The following ARL15 variants were observed in gnomAD, a reference collection of about 807,000 sequenced individuals.
The protein encoded by ARL15 is ADP-ribosylation factor-like protein 15.
ARL15 carries 19 observed loss-of-function variants against 25.2 expected under a neutral mutation model. That is an observed-to-expected ratio of 0.75 (90% CI 0.53 to 1.10). The LOEUF (loss-of-function observed/expected upper bound fraction) is 1.10, where lower values mean the gene tolerates loss of function less well. Among genes scored for constraint, ARL15 ranks in the 50% least tolerant of loss-of-function variants. The pLI, the probability that ARL15 is intolerant of heterozygous loss-of-function variation, is 0.00. For synonymous variants in ARL15, 94 were observed against 86.8 expected (o/e 1.08, Z -0.46); for missense variants, 220 against 246.0 (o/e 0.89, Z 0.71).
At chr5:54,284,272 ATT>A (rs1758133547) in intron 1 of ARL15, among the ~76,000 whole-genome samples, 1 of 152,048 alleles carries the variant, frequency 6.6e-6, no homozygotes, top group African/African-American at 2.4e-5. Context: ...CCCAGCAAAT[ATT>A]TTAATTTCTT....
chr5:54,114,930 C>T (rs1752856033), intron 3 of ARL15, among the ~76,000 whole-genome samples: 1 of 152,204 alleles, frequency 6.6e-6, no homozygotes, highest in Admixed American at 6.5e-5. Context: ...CAGTCATCCA[C>T]TGAACATCTA....
At chr5:54,048,312 T>C (rs1473939344) in intron 4 of ARL15, 4 of 151,552 alleles carry the variant, frequency 2.6e-5, no homozygotes, top group Admixed American at 6.6e-5. Context: ...ACTTGGCTTA[T>C]TTGTTTTTAA....
At chr5:54,196,313 C>G (rs1405240345) in intron 1 of ARL15, among the ~76,000 whole-genome samples, 1 of 152,054 alleles carries the variant, frequency 6.6e-6, no homozygotes, top group African/African-American at 2.4e-5. Flanking sequence ...GCAGCTTTTT[C>G]CACTATTTAG....
chr5:53,917,200 A>C (rs911092293), intron 4 of ARL15, among the ~76,000 whole-genome samples: 1 of 152,194 alleles, frequency 6.6e-6, no homozygotes, highest in Non-Finnish European at 1.5e-5. Flanking sequence ...GTAGCAACTT[A>C]TTTGAGAGCT....
intron 3 of ARL15, among the ~76,000 whole-genome samples, chr5:54,153,628 G>A (rs1362774803): frequency 1.3e-5 from 2 of 152,122 alleles, no homozygotes; most frequent in Non-Finnish European, 2.9e-5. Context: ...AGCTAAAAGT[G>A]AATATGAAAT....
At chr5:54,111,431 G>A (rs1752737562) in intron 4 of ARL15, among the ~76,000 whole-genome samples, 3 of 151,978 alleles carry the variant, frequency 2.0e-5, no homozygotes, top group Admixed American at 2.0e-4. Context: ...ATACTCAGAA[G>A]CAATTAATTG....
chr5:54,206,336 G>A (rs1755867760), intron 1 of ARL15, among the ~76,000 whole-genome samples: 1 of 152,136 alleles, frequency 6.6e-6, no homozygotes. Context: ...GATATTTATA[G>A]TGAACAAGGA....
intron 1 of ARL15, among the ~76,000 whole-genome samples, chr5:54,298,424 A>G (rs944805668): frequency 2.0e-5 from 3 of 152,080 alleles, no homozygotes; most frequent in Admixed American, 6.5e-5. Context: ...AGCTTCTTCT[A>G]TCCTCCTCAG....
chr5:54,186,060 C>A (rs1206361990), intron 1 of ARL15, among the ~76,000 whole-genome samples: 2 of 151,592 alleles, frequency 1.3e-5, no homozygotes, highest in Non-Finnish European at 2.9e-5. Flanking sequence ...TGAAGAAAAC[C>A]CCTAAAAACA....
chr5:54,165,381 C>T (rs1196115358), intron 2 of ARL15, among the ~76,000 whole-genome samples: 1 of 151,862 alleles, frequency 6.6e-6, no homozygotes, highest in East Asian at 1.9e-4. Context: ...CTTCTTTTAA[C>T]ATTTCTTATA....
At chr5:54,186,344 A>G (rs1303326002) in intron 1 of ARL15, among the ~76,000 whole-genome samples, 2 of 152,228 alleles carry the variant, frequency 1.3e-5, no homozygotes, top group Admixed American at 1.3e-4. Flanking sequence ...TGGTGATGAG[A>G]GAGGCAGAGA....
chr5:53,905,752 A>G (rs951871862), intron 4 of ARL15, among the ~76,000 whole-genome samples: 5 of 152,228 alleles, frequency 3.3e-5, no homozygotes, highest in Admixed American at 6.5e-5. Context: ...CAAAAATCAT[A>G]TAATTCCAAT....
intron 4 of ARL15, among the ~76,000 whole-genome samples, chr5:54,078,946 A>G (rs1196843049): frequency 6.6e-6 from 1 of 152,170 alleles, no homozygotes; most frequent in Non-Finnish European, 1.5e-5. Flanking sequence ...AATTATTTAA[A>G]TGAATTACTA....
At chr5:53,949,150 A>G (rs550430736) in intron 4 of ARL15, among the ~76,000 whole-genome samples, 34 of 152,300 alleles carry the variant, frequency 2.2e-4, no homozygotes, top group Middle Eastern at 3.4e-3. Flanking sequence ...AAGCCTCAAG[A>G]CTCACAAGAC....
intron 1 of ARL15, among the ~76,000 whole-genome samples, chr5:54,212,246 G>A (rs370608414): frequency 1.3e-5 from 2 of 152,074 alleles, no homozygotes; most frequent in African/African-American, 4.8e-5. Context: ...GTCAATCCCT[G>A]GTTTAAACAA....
chr5:54,264,149 G>C (rs1757564401), intron 1 of ARL15, among the ~76,000 whole-genome samples: 1 of 152,042 alleles, frequency 6.6e-6, no homozygotes, highest in Non-Finnish European at 1.5e-5. Flanking sequence ...CCCTCTGAAA[G>C]CTGCTCAATA....
intron 4 of ARL15, among the ~76,000 whole-genome samples, chr5:53,971,416 T>C (rs1014818610): frequency 5.3e-5 from 8 of 152,144 alleles, no homozygotes; most frequent in Non-Finnish European, 1.2e-4. Flanking sequence ...TGATAGTATT[T>C]TACCAGTTTT....
intron 3 of ARL15, among the ~76,000 whole-genome samples, chr5:54,122,496 A>AGT (rs1753113222): frequency 6.6e-6 from 1 of 152,274 alleles, no homozygotes. Context: ...GCTGACATAC[A>AGT]GTATACATAC....
chr5:54,172,928 G>T (rs533423996), intron 1 of ARL15, among the ~76,000 whole-genome samples: 1 of 152,238 alleles, frequency 6.6e-6, no homozygotes, highest in African/African-American at 2.4e-5. Flanking sequence ...TTAAAGACAA[G>T]GGGATCTGGG....
Sources: allele counts gnomAD v4.1 joint callset (sites outside exome capture counted in the v4.1 genomes callset), GRCh38; gene constraint gnomAD v4.1.1; transcripts MANE v1.5; gene names NCBI Gene and HGNC (gene_info 2026-07-23, HGNC 2026-07-21).